RABL6: variants seen among roughly 807,000 people sequenced by gnomAD.
The protein encoded by RABL6 is RAB, member RAS oncogene family like 6.
Under a neutral mutation model 72.9 loss-of-function variants are expected in RABL6, and 28 were observed. The observed-to-expected ratio is 0.38, with a 90% CI of 0.28 to 0.53. The LOEUF is 0.53. Ranked by LOEUF, RABL6 falls within the 20% of genes least tolerant of loss-of-function variation. The pLI is 0.80. For missense variants in RABL6, 1,029 were observed against 1,008.4 expected, an observed-to-expected ratio of 1.02 and a Z score of -0.28; for synonymous variants, 477 against 421.2, an observed-to-expected ratio of 1.13 and a Z score of -1.62.
chr9:136,831,473 C>G (rs1463519768), intron 5 of RABL6, among the ~76,000 whole-genome samples: 2 of 152,080 alleles, frequency 1.3e-5, no homozygotes, highest in Non-Finnish European at 2.9e-5. Flanking sequence ...CAGGGGCGTT[C>G]CAGTGTGGGG....
At chr9:136,820,516 T>A (rs1848214573) in intron 1 of RABL6, among the ~76,000 whole-genome samples, 1 of 151,870 alleles carries the variant, frequency 6.6e-6, no homozygotes, top group Non-Finnish European at 1.5e-5. Context: ...GGATTACAGG[T>A]GTCCACCACC....
chr9:136,818,814 G>T (rs764380894), intron 1 of RABL6, among the ~76,000 whole-genome samples: 18 of 152,060 alleles, frequency 1.2e-4, no homozygotes, highest in Non-Finnish European at 2.1e-4. Context: ...TTTATATAGG[G>T]TATATAAAAG....
At chr9:136,811,078 G>GA (rs1263630036) in intron 1 of RABL6, among the ~76,000 whole-genome samples, 1 of 152,164 alleles carries the variant, frequency 6.6e-6, no homozygotes, top group African/African-American at 2.4e-5. Context: ...CATAATGGAT[G>GA]AAAAAGTCAA....
chr9:136,811,098 A>G (rs1405845429), intron 1 of RABL6, among the ~76,000 whole-genome samples: 1 of 152,218 alleles, frequency 6.6e-6, no homozygotes, highest in Admixed American at 6.5e-5. Context: ...AACTCTGTCA[A>G]ATATTTGAAG....
intron 5 of RABL6, 27 bp downstream of exon 5, chr9:136,829,511 G>A (rs1186827469): frequency 6.5e-7 from 1 of 1,539,112 alleles, no homozygotes; most frequent in Non-Finnish European, 8.8e-7. Flanking sequence ...GGGGGCAGCT[G>A]CCTGTGACTC....
intron 1 of RABL6, chr9:136,814,157 C>G: frequency 3.4e-6 from 1 of 298,164 alleles, no homozygotes; most frequent in South Asian, 3.5e-5. Context: ...ACAGCAAGAT[C>G]ATTTTTAGCA....
chr9:136,810,049 T>C (rs890177165), intron 1 of RABL6: 2 of 152,266 alleles, frequency 1.3e-5, no homozygotes, highest in African/African-American at 4.8e-5. Context: ...TGTGTTATAA[T>C]TGAAACTTTA....
chr9:136,820,067 C>T (rs1329292644), intron 1 of RABL6, among the ~76,000 whole-genome samples: 3 of 152,008 alleles, frequency 2.0e-5, no homozygotes, highest in African/African-American at 4.8e-5. Flanking sequence ...GGCATGGCGG[C>T]TTGCGCCTGT....
intron 8 of RABL6, 43 bp downstream of exon 8, chr9:136,835,888 G>A (rs751330715): frequency 4.0e-4 from 612 of 1,525,478 alleles, no homozygotes; most frequent in Non-Finnish European, 4.8e-4. Flanking sequence ...TGGGGGCTGC[G>A]GGCGTGGCCG....
intron 1 of RABL6, chr9:136,821,272 C>T (rs1564362213): frequency 7.0e-5 from 67 of 961,286 alleles, no homozygotes; most frequent in Non-Finnish European, 8.0e-5. Flanking sequence ...GTTCTGGCCG[C>T]GGGAAAACGG....
intron 1 of RABL6, among the ~76,000 whole-genome samples, chr9:136,817,022 AATT>A (rs1350280699): frequency 6.6e-6 from 1 of 152,228 alleles, no homozygotes; most frequent in East Asian, 1.9e-4. Flanking sequence ...TGATATGTGC[AATT>A]ATTATGTCAA....
chr9:136,838,812 G>T, intron 10 of RABL6, 97 bp from the exon 11 acceptor site: 1 of 1,133,590 alleles, frequency 8.8e-7, no homozygotes, highest in Non-Finnish European at 1.2e-6. Flanking sequence ...CACGGCCAGG[G>T]TGTGCTGGGT....
chr9:136,835,909 C>T (rs1012314017), intron 8 of RABL6, 64 bp downstream of exon 8: 6 of 1,437,064 alleles, frequency 4.2e-6, no homozygotes, highest in Non-Finnish European at 5.7e-6. Flanking sequence ...TGGTGCAGGG[C>T]CATGGGCTGC....
intron 7 of RABL6, chr9:136,834,113 G>T: frequency 1.5e-6 from 2 of 1,322,362 alleles, no homozygotes; most frequent in Non-Finnish European, 1.9e-6. Flanking sequence ...TGTCTCAGCA[G>T]CGGGACCCCT....
chr9:136,833,597 C>T lies in RABL6; in HGVS notation c.705+1227C>T, dbSNP rs576602183. 8.7e-6 allele frequency: 12 copies of T among 1,386,874 alleles called. No individual in the cohort carries two copies. In the East Asian group the frequency reaches 3.0e-4, roughly 35 times the overall value. The allele number at this position is 1,386,874 out of a possible 1,614,324, so 85.9% of individuals were successfully genotyped here. A position where few individuals can be genotyped will look rare whatever the true frequency, so the allele number is the denominator to read the frequency against. The stretch of plus-strand genomic sequence containing the variant: ...CAGCTGGGTCTGGGGACCTGAACCT[C>T]CTCGCCCTGGGCTGCCCCAGCTGGG... On this transcript the variant is annotated intron_variant, in intron 7 of 14. Coordinates refer to ENST00000311502, the MANE Select transcript of RABL6 (RefSeq NM_024718.5).
intron 7 of RABL6, chr9:136,833,902 T>C (rs768883190): frequency 5.0e-5 from 78 of 1,550,384 alleles, no homozygotes; most frequent in Admixed American, 3.5e-4. Context: ...CGTCCCCTCA[T>C]CACTGGGTTG....
intron 7 of RABL6, chr9:136,834,516 C>G (rs1321223717): frequency 4.3e-6 from 4 of 937,492 alleles, no homozygotes; most frequent in Admixed American, 1.2e-4. Context: ...GAGTCTCACT[C>G]TGTCCAGGCT....
chr9:136,813,813 C>T, intron 1 of RABL6: 1 of 201,974 alleles, frequency 5.0e-6, no homozygotes, highest in Non-Finnish European at 1.0e-5. Context: ...GACAGGGTTT[C>T]ACCGTGTTAG....
chr9:136,828,595 G>A (rs1848406996), intron 4 of RABL6, 49 bp downstream of exon 4: 11 of 1,577,832 alleles, frequency 7.0e-6, no homozygotes, highest in Non-Finnish European at 8.7e-6. Context: ...GCCCCGGGGT[G>A]CGTGAGCCGG....
Sources: gnomAD v4.1 joint callset for allele counts (sites outside exome capture counted in the v4.1 genomes callset) on GRCh38, gnomAD v4.1.1 for gene constraint, MANE v1.5 for transcripts, NCBI Gene and HGNC (gene_info 2026-07-23, HGNC 2026-07-21) for gene names.